The following ERI3 variants were observed in gnomAD, a reference collection of about 807,000 sequenced individuals.
ERI3 encodes the protein ERI1 exoribonuclease family member 3.
Under a neutral mutation model 44.4 loss-of-function variants are expected in ERI3, and 18 were observed. The observed-to-expected ratio is 0.41, with a 90% confidence interval of 0.28 to 0.60. The LOEUF (loss-of-function observed/expected upper bound fraction) is 0.60, where lower values mean the gene tolerates loss of function less well. Among genes scored for constraint, ERI3 ranks in the 20% least tolerant of loss-of-function variants. The probability of loss-of-function intolerance (pLI) is 0.36; values close to 1 mark genes in which losing one functional copy is unlikely to be tolerated. For synonymous variants in ERI3, 183 were observed against 164.8 expected (o/e 1.11, Z -0.84); for missense variants, 294 against 435.5 (o/e 0.68, Z 2.89).
In ERI3 at chr1:44,352,913, G is replaced by C. The variant is rs140027583; in HGVS notation, c.148C>G (p.Pro50Ala). 3.3e-5 allele frequency: 54 copies of C among 1,614,020 alleles called. No homozygotes were observed. The African/African-American group carries it at 6.9e-4, about 21-fold the overall frequency. The part of the protein sequence containing the change: ...WGQHPGHWGF[P>A]ALTEPSASPA... ...GATGCTGAAGGTTCTGTGAGAGCTG[G>C]AAAGCCCCAATGCTGTGGATAAATA... is the stretch of plus-strand genomic sequence containing the variant. The change falls in exon 2 of 9, where the codon CCA (proline) becomes GCA (alanine). Residue 50 changes from proline (P) to alanine (A), a missense_variant. By Grantham distance (27) the Pro-to-Ala change is conservative (BLOSUM62 -1). This residue lies in a region of ERI3 where 107 missense variants were observed against 96.9 expected (regional missense o/e 1.10). Coordinates refer to ENST00000372257, the MANE Select transcript of ERI3 (RefSeq NM_024066.3).
At chr1:44,288,835 C>A (rs917823270) in intron 6 of ERI3, among the ~76,000 whole-genome samples, 17 of 151,782 alleles carry the variant, frequency 1.1e-4, no homozygotes, top group Non-Finnish European at 1.5e-5. Flanking sequence ...CATGGTTCCA[C>A]CAATTTCTCA....
At chr1:44,245,709 T>C (rs2528640) in intron 8 of ERI3, among the ~76,000 whole-genome samples, 65,406 of 151,974 alleles carry the variant, frequency 0.43, 15,896 homozygotes, top group African/African-American at 0.67. Context: ...GGTGAACAGA[T>C]AACAGGGGCA....
intron 7 of ERI3, among the ~76,000 whole-genome samples, chr1:44,259,128 C>T (rs1317625584): frequency 6.6e-6 from 1 of 152,228 alleles, no homozygotes; most frequent in African/African-American, 2.4e-5. Context: ...AGAGCTTCCA[C>T]AGCTTTCTCC....
chr1:44,230,693 C>T (rs1334083500), intron 8 of ERI3, among the ~76,000 whole-genome samples: 1 of 152,240 alleles, frequency 6.6e-6, no homozygotes, highest in Non-Finnish European at 1.5e-5. Context: ...CACATGCTAT[C>T]AATCCAGACC....
At chr1:44,266,430 C>T (rs1454530706) in intron 7 of ERI3, among the ~76,000 whole-genome samples, 8 of 152,102 alleles carry the variant, frequency 5.3e-5, no homozygotes, top group Non-Finnish European at 1.2e-4. Context: ...TCAGTAGACA[C>T]TAAGATTTTT....
At chr1:44,236,572 G>A (rs1013344018) in intron 8 of ERI3, among the ~76,000 whole-genome samples, 1 of 152,028 alleles carries the variant, frequency 6.6e-6, no homozygotes, top group Admixed American at 6.5e-5. Context: ...TGGAAATATG[G>A]GGCTCTGGGG....
At chr1:44,345,069 G>A (rs1399004704) in intron 2 of ERI3, among the ~76,000 whole-genome samples, 1 of 152,210 alleles carries the variant, frequency 6.6e-6, no homozygotes, top group African/African-American at 2.4e-5. Flanking sequence ...CATTTAATGA[G>A]GGAAATAATA....
At chr1:44,236,051 G>A (rs765433644) in intron 8 of ERI3, among the ~76,000 whole-genome samples, 7 of 152,166 alleles carry the variant, frequency 4.6e-5, no homozygotes, top group Admixed American at 1.3e-4. Context: ...TTTGTTTGTC[G>A]CTAACAGGTG....
At chr1:44,268,974 C>T (rs1470321730) in intron 7 of ERI3, among the ~76,000 whole-genome samples, 1 of 152,194 alleles carries the variant, frequency 6.6e-6, no homozygotes, top group African/African-American at 2.4e-5. Flanking sequence ...TATCCAAACT[C>T]CTCCACAATA....
intron 4 of ERI3, among the ~76,000 whole-genome samples, chr1:44,316,079 C>T (rs576617215): frequency 1.3e-5 from 2 of 151,554 alleles, no homozygotes; most frequent in South Asian, 2.1e-4. Flanking sequence ...TATGAGGGAA[C>T]GAGACAATTT....
chr1:44,332,271 T>C (rs1377904219), intron 3 of ERI3, among the ~76,000 whole-genome samples: 1 of 152,074 alleles, frequency 6.6e-6, no homozygotes, highest in Non-Finnish European at 1.5e-5. Context: ...TTAGAGCTCT[T>C]CCCCACCACC....
intron 4 of ERI3, among the ~76,000 whole-genome samples, 184 bp from the exon 5 acceptor site, chr1:44,313,412 G>A (rs1237278410): frequency 6.6e-6 from 1 of 152,122 alleles, no homozygotes; most frequent in Non-Finnish European, 1.5e-5. Context: ...GACACAATGT[G>A]TGCTTCTCCC....
chr1:44,342,828 T>C (rs1344161815), intron 2 of ERI3, among the ~76,000 whole-genome samples: 7 of 18,770 alleles, frequency 3.7e-4, no homozygotes, highest in Admixed American at 2.1e-3. Context: ...TATATATATA[T>C]ATATATATAT....
chr1:44,281,728 T>G (rs1220825264), intron 7 of ERI3, among the ~76,000 whole-genome samples: 4 of 151,752 alleles, frequency 2.6e-5, no homozygotes, highest in Non-Finnish European at 5.9e-5. Context: ...TGTCTGGGTA[T>G]GCCTGCAAAT....
intron 3 of ERI3, chr1:44,322,739 C>T: frequency 6.5e-7 from 1 of 1,549,320 alleles, no homozygotes; most frequent in Non-Finnish European, 8.7e-7. Context: ...CCATATTGCC[C>T]AGCCAGTACT....
At chr1:44,314,338 G>T (rs1430167501) in intron 4 of ERI3, among the ~76,000 whole-genome samples, 1 of 152,024 alleles carries the variant, frequency 6.6e-6, no homozygotes, top group African/African-American at 2.4e-5. Flanking sequence ...CCTCTAGGTG[G>T]GTTTCTGTAG....
At chr1:44,251,980 C>T (rs17406658) in intron 7 of ERI3, among the ~76,000 whole-genome samples, 27,480 of 152,196 alleles carry the variant, frequency 0.18, 2,996 homozygotes, top group South Asian at 0.39. Context: ...AGCTTGTGCC[C>T]GAGCCTGTTT....
chr1:44,340,386 C>T (rs1407085185), intron 2 of ERI3, among the ~76,000 whole-genome samples: 1 of 152,230 alleles, frequency 6.6e-6, no homozygotes, highest in African/African-American at 2.4e-5. Context: ...AGAAATCTCA[C>T]TGTACAATAC....
At chr1:44,263,488 TTG>T (rs1644932378) in intron 7 of ERI3, among the ~76,000 whole-genome samples, 1 of 152,234 alleles carries the variant, frequency 6.6e-6, no homozygotes. Context: ...AGAGCCTGTG[TTG>T]TTGGCAGATC....
Sources: gnomAD v4.1 joint callset for allele counts (sites outside exome capture counted in the v4.1 genomes callset) on GRCh38, gnomAD v4.1.1 for gene constraint, gnomAD v4.1.1 regional missense constraint, MANE v1.5 for transcripts, NCBI Gene and HGNC (gene_info 2026-07-23, HGNC 2026-07-21) for gene names.